Variants in ISG20 observed in about 807,000 individuals in gnomAD.
The protein encoded by ISG20 is interferon stimulated exonuclease gene 20.
In ISG20, 8 loss-of-function variants were observed where a neutral mutation model predicts 11.1. That is an observed-to-expected ratio of 0.72 (90% CI 0.42 to 1.30). The LOEUF (loss-of-function observed/expected upper bound fraction) is 1.30, where lower values mean the gene tolerates loss of function less well. Among genes scored for constraint, ISG20 ranks in the 50% most tolerant of loss-of-function variants. The pLI is 0.01. For synonymous variants in ISG20, 110 were observed against 101.7 expected (o/e 1.08, Z -0.49); for missense variants, 243 against 250.2 (o/e 0.97, Z 0.19).
chr15:88,651,578 A>G (rs1010717940), intron 2 of ISG20: 2 of 183,428 alleles, frequency 1.1e-5, no homozygotes, highest in African/African-American at 2.4e-5. Context: ...TCTGACCTCC[A>G]CATGTAAGGA....
In ISG20 at chr15:88,650,254, C is replaced by T. The variant is rs982798524; in HGVS notation, c.229-1856C>T. On this transcript the variant is annotated intron_variant, in intron 2 of 3. Coordinates refer to ENST00000306072, the MANE Select transcript of ISG20 (RefSeq NM_002201.6). This position sits in a 1 kb window ranked among gnomAD's most constrained non-coding sequence, Gnocchi z 4.0. ...TTTCAGGTCCCCTTCCCATCCTCTCCAACGGCAGCTGAGTGAAAGCAAGCT... is the reference window on the plus strand; with the variant it reads ...TTTCAGGTCCCCTTCCCATCCTCTCTAACGGCAGCTGAGTGAAAGCAAGCT... 1 of 1,535,720 alleles carries T rather than the reference C, an allele frequency of 6.5e-7. No homozygotes were observed. The highest frequency in any genetic ancestry group is 2.4e-5 in the East Asian group (1 of 40,906).
At chr15:88,644,960 C>T (rs755968921) in intron 2 of ISG20, among the ~76,000 whole-genome samples, 1 of 152,244 alleles carries the variant, frequency 6.6e-6, no homozygotes, top group Non-Finnish European at 1.5e-5. Flanking sequence ...CGCCCTTGAG[C>T]ATTGGCCTCG....
At chr15:88,655,238 CCA>C (rs1441701925) in intron 3 of ISG20, among the ~76,000 whole-genome samples, 175 bp from the exon 4 acceptor site, 1 of 152,268 alleles carries the variant, frequency 6.6e-6, no homozygotes, top group Non-Finnish European at 1.5e-5. Flanking sequence ...TGAAGGCAGG[CCA>C]GCTCCAGCCA....
intron 3 of ISG20, among the ~76,000 whole-genome samples, chr15:88,654,852 C>T (rs910862884): frequency 2.6e-5 from 4 of 152,212 alleles, no homozygotes; most frequent in African/African-American, 7.2e-5. Flanking sequence ...CTCCCGACTT[C>T]GGCATTCAAG....
chr15:88,648,735 C>G (rs542850109), intron 2 of ISG20: 1 of 152,328 alleles, frequency 6.6e-6, no homozygotes, highest in East Asian at 1.9e-4. Flanking sequence ...CGGGCTCCCT[C>G]CTCTGTAAAA....
chr15:88,651,897 G>A, intron 2 of ISG20: 3 of 1,405,604 alleles, frequency 2.1e-6, no homozygotes, highest in South Asian at 3.0e-5. Flanking sequence ...AGGAGTCCAG[G>A]TGGGCTTTTG....
At chr15:88,641,948 T>G (rs1475598123) in intron 2 of ISG20, among the ~76,000 whole-genome samples, 1 of 103,880 alleles carries the variant, frequency 9.6e-6, no homozygotes, top group African/African-American at 3.7e-5. Context: ...TTTTTTTTTT[T>G]TTTTTGAGAC....
Position 88,639,386 on chromosome 15 carries a change from T to G in ISG20, c.20T>G (p.Val7Gly), listed in dbSNP as rs1596041938. 1 of 1,611,018 alleles carries G rather than the reference T, an allele frequency of 6.2e-7. No individual in the cohort carries two copies. The highest frequency in any genetic ancestry group is 8.5e-7 in the Non-Finnish European group (1 of 1,178,716). Residue 7 changes from valine to glycine, a missense_variant, in exon 2 of 4, where the codon GTG becomes GGG. Coordinates refer to ENST00000306072, the MANE Select transcript of ISG20 (RefSeq NM_002201.6). The surrounding 1 kb of genome is among the most constrained non-coding windows in gnomAD (Gnocchi z 4.2). ...AGGAACATGGCTGGGAGCCGTGAGG[T>G]GGTGGCCATGGACTGCGAGATGGTG... MAGSREVVAMDCEMVGL... is the reference protein window; with the variant it reads MAGSREGVAMDCEMVGL...
At position 88,655,623 on chromosome 15, in the gene ISG20, A is replaced by T; in HGVS notation, c.*92A>T. The stretch of plus-strand genomic sequence containing the variant: ...TTTTGGAAAATACATTTTTAATAGT[A>T]AAGTGGCTCTATATTTTCTCTACGC... On this transcript the variant is annotated 3_prime_UTR_variant, in exon 4 of 4. Coordinates refer to ENST00000306072, the MANE Select transcript of ISG20 (RefSeq NM_002201.6). The T allele has an allele frequency of 1.2e-6, 1 of 826,164 alleles. No individual in the cohort carries two copies. The highest frequency in any genetic ancestry group is 1.6e-5 in the South Asian group (1 of 62,258). The allele number at this position is 826,164 out of a possible 1,614,324, so 51.2% of individuals were successfully genotyped here.
chr15:88,652,214 C>CACT lies in ISG20; in HGVS notation c.334_336dup (p.Thr112dup). The CACT allele has an allele frequency of 6.2e-7, 1 of 1,614,048 alleles. No individual in the cohort carries two copies. The highest frequency in any genetic ancestry group is 8.5e-7 in the Non-Finnish European group (1 of 1,179,970). ...GCGGCTACACAATCTACGACACGTC[C>CACT]ACTGACAGGCTGTTGTGGCGTGAGG... On this transcript the variant is annotated inframe_insertion, in exon 3 of 4. Transcript: ENST00000306072.
At chr15:88,638,546 CCCA>C (rs1245643357), upstream of ISG20, among the ~76,000 whole-genome samples, 2 of 152,194 alleles carry the variant, frequency 1.3e-5, no homozygotes, top group Non-Finnish European at 2.9e-5. Context: ...GCTAGCCACT[CCCA>C]CCACAAGTTT....
At chr15:88,640,974 G>GT (rs753770840) in intron 2 of ISG20, among the ~76,000 whole-genome samples, 7 of 151,310 alleles carry the variant, frequency 4.6e-5, no homozygotes, top group East Asian at 1.9e-4. Context: ...TGTTTTGATT[G>GT]TTTTTTTGTA....
At chr15:88,648,867 C>T (rs1294740938) in intron 2 of ISG20, 1 of 152,236 alleles carries the variant, frequency 6.6e-6, no homozygotes, top group Admixed American at 6.5e-5. Context: ...CAGTTCTTTC[C>T]AGGAATTTGA....
rs1267848703 is a variant in ISG20, at chr15:88,655,982, A to C, written c.*451A>C. 1 of 154,412 alleles carries C rather than the reference A, an allele frequency of 6.5e-6. No individual in the cohort carries two copies. Among genetic ancestry groups the C allele is most frequent in the Non-Finnish European group, 1.4e-5 (1 of 69,526 alleles). The allele number at this position is 154,412 out of a possible 1,614,324, so 9.6% of individuals were successfully genotyped here. A position where few individuals can be genotyped will look rare whatever the true frequency, so the allele number is the denominator to read the frequency against. ...GTGGGCTTTGAAGCAAAGGTACAGG[A>C]AATGTCAAGGGTGCCACCCCGGCAA... On this transcript the variant is annotated 3_prime_UTR_variant, in exon 4 of 4. Transcript: ENST00000306072.
intron 2 of ISG20, among the ~76,000 whole-genome samples, chr15:88,641,536 C>T (rs8032113): frequency 6.6e-6 from 1 of 152,280 alleles, no homozygotes; most frequent in East Asian, 1.9e-4. Context: ...GTTGTCAAAG[C>T]TTTGGGGTAC....
upstream of ISG20, chr15:88,637,265 A>T (rs1010575208): frequency 5.3e-5 from 8 of 152,158 alleles, no homozygotes; most frequent in African/African-American, 1.9e-4. Context: ...TAGTGATGCA[A>T]GATGAGGTTG....
chr15:88,649,942 G>C (rs1372581644), intron 2 of ISG20: 2 of 422,114 alleles, frequency 4.7e-6, no homozygotes, highest in Non-Finnish European at 8.8e-6. Flanking sequence ...CCCGCATAGT[G>C]ACCCTGGGCA....
At chr15:88,655,048 C>A (rs963766114) in intron 3 of ISG20, among the ~76,000 whole-genome samples, 1 of 152,258 alleles carries the variant, frequency 6.6e-6, no homozygotes, top group African/African-American at 2.4e-5. Flanking sequence ...TCCCTGTGTC[C>A]CTAGCTGGAG....
At chr15:88,645,068 C>T (rs925353413) in intron 2 of ISG20, among the ~76,000 whole-genome samples, 2 of 152,194 alleles carry the variant, frequency 1.3e-5, no homozygotes, top group Non-Finnish European at 2.9e-5. Flanking sequence ...GCGTGTGACA[C>T]GGAACCCTGC....
Sources: allele counts gnomAD v4.1 joint callset (sites outside exome capture counted in the v4.1 genomes callset), GRCh38; gene constraint gnomAD v4.1.1; non-coding constraint Gnocchi (gnomAD v3.1); transcripts MANE v1.5; gene names NCBI Gene and HGNC (gene_info 2026-07-23, HGNC 2026-07-21).